GRXCR2: variants seen among roughly 807,000 people sequenced by gnomAD.
The protein encoded by GRXCR2 is glutaredoxin domain-containing cysteine-rich protein 2.
GRXCR2 carries 23 observed loss-of-function variants against 24.8 expected under a neutral mutation model. That is an observed-to-expected ratio of 0.93 (90% confidence interval 0.67 to 1.32). GRXCR2 has a LOEUF of 1.32. Among genes scored for constraint, GRXCR2 ranks in the 40% most tolerant of loss-of-function variants. The pLI is 0.00. For missense variants in GRXCR2, 315 were observed against 303.4 expected, an observed-to-expected ratio of 1.04 and a Z score of -0.28; for synonymous variants, 130 against 116.1, an observed-to-expected ratio of 1.12 and a Z score of -0.77.
intron 1 of GRXCR2, among the ~76,000 whole-genome samples, chr5:145,870,047 G>T (rs1039444209): frequency 4.6e-5 from 7 of 151,314 alleles, no homozygotes; most frequent in African/African-American, 9.7e-5. Flanking sequence ...TTTTTAAAAA[G>T]ATATATATAT....
At chr5:145,865,271 A>G (rs1258068343) in intron 2 of GRXCR2, among the ~76,000 whole-genome samples, 1 of 152,172 alleles carries the variant, frequency 6.6e-6, no homozygotes, top group African/African-American at 2.4e-5. Flanking sequence ...TCATTCATCC[A>G]GCTACCCAAG....
chr5:145,913,691 A>T (rs985281466), intron 2 of GRXCR2, among the ~76,000 whole-genome samples: 3 of 152,178 alleles, frequency 2.0e-5, no homozygotes, highest in South Asian at 2.1e-4. Flanking sequence ...ATTTTTAAAA[A>T]TTTTTTAAAT....
rs1757254308 is a variant in GRXCR2, at chr5:145,917,221, C to G, written c.-70+18480G>C. 2.0e-5 allele frequency among the ~76,000 whole-genome samples: 3 copies of G among 151,950 alleles called. No individual in the cohort carries two copies. In the South Asian group the frequency reaches 6.2e-4, roughly 31 times the overall value. Reference sequence around the variant, plus strand: ...CGCCCCCCGAGATTAATTTGCAAGTCTTCTTTCTTCCCCAAAGTGGATTCC... The same window carrying G: ...CGCCCCCCGAGATTAATTTGCAAGTGTTCTTTCTTCCCCAAAGTGGATTCC... On this transcript the variant is annotated intron_variant, in intron 2 of 3. Transcript: ENST00000639411.
chr5:145,864,253 A>C (rs1026041899), intron 2 of GRXCR2, among the ~76,000 whole-genome samples: 1 of 152,004 alleles, frequency 6.6e-6, no homozygotes, highest in African/African-American at 2.4e-5. Flanking sequence ...AGAGAAAATA[A>C]TATATGAGGG....
chr5:145,884,999 A>G (rs533971088), intron 2 of GRXCR2, among the ~76,000 whole-genome samples: 7 of 152,270 alleles, frequency 4.6e-5, no homozygotes, highest in Admixed American at 6.5e-5. Context: ...TCCTTTAGCG[A>G]TCTTTCCACA....
At chr5:145,873,425 C>T (rs559950351), upstream of GRXCR2, among the ~76,000 whole-genome samples, 106 of 152,322 alleles carry the variant, frequency 7.0e-4, no homozygotes, top group Non-Finnish European at 1.0e-3. Context: ...TTCATCCTCA[C>T]GATAACCCTA....
At chr5:145,918,887 G>A (rs2149928004) in intron 2 of GRXCR2, among the ~76,000 whole-genome samples, 1 of 152,294 alleles carries the variant, frequency 6.6e-6, no homozygotes, top group Non-Finnish European at 1.5e-5. Context: ...CCCTGGAAAA[G>A]CCAAACAGAC....
chr5:145,907,102 G>C (rs1350936584), intron 2 of GRXCR2, among the ~76,000 whole-genome samples: 1 of 152,144 alleles, frequency 6.6e-6, no homozygotes, highest in Non-Finnish European at 1.5e-5. Flanking sequence ...GGGTAGGTCA[G>C]ATGAGATTAG....
chr5:145,905,692 T>C (rs1259412510), intron 2 of GRXCR2, among the ~76,000 whole-genome samples: 2 of 152,186 alleles, frequency 1.3e-5, no homozygotes, highest in Non-Finnish European at 2.9e-5. Context: ...TGAGGACATC[T>C]TCAAGAATGT....
At chr5:145,890,581 T>C (rs560404462) in intron 2 of GRXCR2, among the ~76,000 whole-genome samples, 1 of 152,246 alleles carries the variant, frequency 6.6e-6, no homozygotes, top group Non-Finnish European at 1.5e-5. Flanking sequence ...CTGAGGGAAT[T>C]TGTTACCACT....
At chr5:145,884,770 G>GA (rs553585351) in intron 2 of GRXCR2, among the ~76,000 whole-genome samples, 1 of 151,840 alleles carries the variant, frequency 6.6e-6, no homozygotes, top group African/African-American at 2.4e-5. Context: ...TGGGAGTTGG[G>GA]AAAAAAAATA....
chr5:145,870,047 GAT>G (rs1057070356), intron 1 of GRXCR2, among the ~76,000 whole-genome samples: 3 of 151,280 alleles, frequency 2.0e-5, no homozygotes, highest in South Asian at 2.1e-4. Flanking sequence ...TTTTTAAAAA[GAT>G]ATATATATAT....
intron 2 of GRXCR2, among the ~76,000 whole-genome samples, chr5:145,924,094 G>C (rs571330166): frequency 6.6e-6 from 1 of 152,178 alleles, no homozygotes; most frequent in African/African-American, 2.4e-5. Context: ...AGTTTGGAGA[G>C]TGGCATGGAG....
intron 2 of GRXCR2, among the ~76,000 whole-genome samples, chr5:145,908,431 G>A (rs990498715): frequency 8.5e-5 from 13 of 152,116 alleles, no homozygotes; most frequent in Non-Finnish European, 5.9e-5. Context: ...TGGCAGATGA[G>A]GTGTTGATTC....
intron 2 of GRXCR2, among the ~76,000 whole-genome samples, chr5:145,915,637 T>C (rs566584423): frequency 6.6e-6 from 1 of 151,752 alleles, no homozygotes; most frequent in South Asian, 2.1e-4. Context: ...ATACAAAAAT[T>C]ACCTTGAAAT....
In GRXCR2 at chr5:145,859,740, T is replaced by C; in HGVS notation, c.740A>G (p.Asn247Ser). 2.5e-6 allele frequency: 4 copies of C among 1,614,094 alleles called. No homozygotes were observed. The highest frequency in any genetic ancestry group is 3.4e-6 in the Non-Finnish European group (4 of 1,179,978). ...ACATGCAAAAGCCACGGGCTATTGA[T>C]TGCAAATCTGGCAAGGCTGTAGGCC... is the stretch of plus-strand genomic sequence containing the variant. ...ENGLQPCQIC[N>S]Q The change falls in exon 3 of 3, where the codon AAT (asparagine) becomes AGT (serine). Residue 247 changes from asparagine to serine, a missense_variant. Transcript: ENST00000377976.
At chr5:145,897,756 A>G (rs1756970635) in intron 2 of GRXCR2, among the ~76,000 whole-genome samples, 1 of 152,106 alleles carries the variant, frequency 6.6e-6, no homozygotes. Context: ...AAATCAAAAA[A>G]TTATTTGAAA....
intron 2 of GRXCR2, among the ~76,000 whole-genome samples, chr5:145,863,748 T>A (rs963756357): frequency 1.3e-5 from 2 of 152,184 alleles, no homozygotes; most frequent in Non-Finnish European, 2.9e-5. Context: ...TCTTCCCTCC[T>A]CTGCCTGGGA....
intron 2 of GRXCR2, among the ~76,000 whole-genome samples, chr5:145,889,172 A>AAAAAAAAAAAAG (rs757883920): frequency 8.8e-4 from 74 of 84,044 alleles, no homozygotes; most frequent in Non-Finnish European, 1.2e-3. Flanking sequence ...CTGTCTCAAA[A>AAAAAAAAAAAAG]AAAGAAAGAA....
Sources: gnomAD v4.1 joint callset for allele counts (sites outside exome capture counted in the v4.1 genomes callset) on GRCh38, gnomAD v4.1.1 for gene constraint, MANE v1.5 for transcripts, NCBI Gene and HGNC (gene_info 2026-07-23, HGNC 2026-07-21) for gene names.